RAP1GAP: variants seen among roughly 807,000 people sequenced by gnomAD.
The protein encoded by RAP1GAP is RAP1 GTPase activating protein.
Under a neutral mutation model 87.2 loss-of-function variants are expected in RAP1GAP, and 35 were observed. That is an observed-to-expected ratio of 0.40 (90% CI 0.31 to 0.53). The LOEUF (loss-of-function observed/expected upper bound fraction) is 0.53. RAP1GAP is among the 20% of genes least tolerant of loss of function. The pLI is 0.48. For missense variants in RAP1GAP, 734 were observed against 898.9 expected, an observed-to-expected ratio of 0.82 and a Z score of 2.35; for synonymous variants, 375 against 363.9, an observed-to-expected ratio of 1.03 and a Z score of -0.35.
intron 1 of RAP1GAP, among the ~76,000 whole-genome samples, chr1:21,655,027 C>T (rs1241441713): frequency 6.6e-6 from 1 of 150,936 alleles, no homozygotes; most frequent in African/African-American, 2.4e-5. Context: ...GTAGTCCCAG[C>T]TACTTGGGAG....
chr1:21,643,104 G>A (rs975370008), intron 2 of RAP1GAP, among the ~76,000 whole-genome samples: 28 of 84,876 alleles, frequency 3.3e-4, no homozygotes, highest in Non-Finnish European at 1.3e-4. Context: ...AGAAGAAGTG[G>A]CCTCATCTAT....
Position 21,598,023 on chromosome 1 carries a change from C to T in RAP1GAP, c.1921G>A (p.Asp641Asn). The T allele has an allele frequency of 6.3e-7, 1 of 1,584,210 alleles. No individual in the cohort carries two copies. The highest frequency in any genetic ancestry group is 8.6e-7 in the Non-Finnish European group (1 of 1,165,846). The change falls in exon 23 of 25, where the codon GAC becomes AAC. Residue 641 changes from aspartate to asparagine, a missense_variant. Coordinates refer to ENST00000374765, the MANE Select transcript of RAP1GAP (RefSeq NM_002885.4). ...SPHPDAGKLG[D>N]PACPEIKIQL... ...ATCTTGATCTCGGGACACGCAGGGT[C>T]CCCCAACTTGCCGGCGTCTGGGTGG...
chr1:21,667,967 G>T (rs1050514663), intron 1 of RAP1GAP, among the ~76,000 whole-genome samples: 5 of 152,170 alleles, frequency 3.3e-5, no homozygotes, highest in African/African-American at 1.2e-4. Flanking sequence ...CATGGAGAAG[G>T]GAATGGGGGG....
chr1:21,634,047 C>G lies in RAP1GAP; in HGVS notation c.-112-7650G>C, dbSNP rs1174046771. Among the ~76,000 whole-genome samples the G allele has an allele frequency of 1.3e-5, 1 of 79,316 alleles. No homozygotes were observed. Among genetic ancestry groups the G allele is most frequent in the Non-Finnish European group, 2.6e-5 (1 of 38,616 alleles). The allele number at this position is 79,316 out of a possible 152,430, so 52.0% of individuals were successfully genotyped here. A position where few individuals can be genotyped will look rare whatever the true frequency, so the allele number is the denominator to read the frequency against. On this transcript the variant is annotated intron_variant, in intron 2 of 24. Coordinates refer to ENST00000374765, the MANE Select transcript of RAP1GAP (RefSeq NM_002885.4). The surrounding 1 kb of genome is among the most constrained non-coding windows in gnomAD (Gnocchi z 4.1). ...CCAGAACCAAGTGGCTGCCCCAGAA[C>G]TGCCCCCTCCCGGGGGGGGGGGGGG...
chr1:21,623,938 G>A (rs1387106150), intron 3 of RAP1GAP, among the ~76,000 whole-genome samples: 1 of 152,228 alleles, frequency 6.6e-6, no homozygotes, highest in Admixed American at 6.5e-5. Flanking sequence ...GAGACTCCAC[G>A]ACCGGATGTG....
Position 21,668,176 on chromosome 1 carries a change from G to A in RAP1GAP, c.-149+1078C>T, listed in dbSNP as rs1558954381. Among the ~76,000 whole-genome samples, 1 of 152,166 alleles carries A rather than the reference G, an allele frequency of 6.6e-6. No homozygotes were observed. Among genetic ancestry groups the A allele is most frequent in the Non-Finnish European group, 1.5e-5 (1 of 68,018 alleles). On this transcript the variant is annotated intron_variant, in intron 1 of 24. Transcript: ENST00000374765. This position sits in a 1 kb window ranked among gnomAD's most constrained non-coding sequence, Gnocchi z 6.2. ...AAGGAGGGACCACTACCTGTGCAGGGGGGGCCAGGAGCCTCCTGAGAGCCT... is the reference window on the plus strand; with the variant it reads ...AAGGAGGGACCACTACCTGTGCAGGAGGGGCCAGGAGCCTCCTGAGAGCCT...
At chr1:21,636,622 C>A (rs527841987) in intron 2 of RAP1GAP, among the ~76,000 whole-genome samples, 1 of 151,816 alleles carries the variant, frequency 6.6e-6, no homozygotes, top group African/African-American at 2.4e-5. Flanking sequence ...GCCTGACCAA[C>A]GTGGAGAAAC....
At chr1:21,626,819 G>A in intron 2 of RAP1GAP, 3 of 448,350 alleles carry the variant, frequency 6.7e-6, no homozygotes, top group South Asian at 4.7e-5. Context: ...CCGCTATTAC[G>A]AATGACAGTG....
intron 2 of RAP1GAP, chr1:21,627,084 G>A: frequency 2.3e-6 from 1 of 438,760 alleles, no homozygotes; most frequent in Non-Finnish European, 4.6e-6. Flanking sequence ...GTCTGGCGAG[G>A]GTGAAGTCAG....
intron 2 of RAP1GAP, among the ~76,000 whole-genome samples, chr1:21,637,434 G>A (rs747745059): frequency 1.3e-5 from 2 of 152,044 alleles, no homozygotes; most frequent in South Asian, 2.1e-4. Context: ...GATTACAGGA[G>A]TGAGCCACTG....
intron 2 of RAP1GAP, among the ~76,000 whole-genome samples, chr1:21,643,596 TC>T (rs2095750386): frequency 7.1e-6 from 1 of 140,610 alleles, no homozygotes; most frequent in African/African-American, 2.6e-5. Flanking sequence ...AAAAAGAAAA[TC>T]CCCTCCTTAG....
At chr1:21,648,995 AAGCAGCAGCCAG>A (rs1309612488) in intron 2 of RAP1GAP, among the ~76,000 whole-genome samples, 1 of 152,130 alleles carries the variant, frequency 6.6e-6, no homozygotes, top group African/African-American at 2.4e-5. Flanking sequence ...CAGGGGCAGG[AAGCAGCAGCCAG>A]AGCCGTCGGG....
chr1:21,600,821 C>T (rs2067597619), intron 20 of RAP1GAP, among the ~76,000 whole-genome samples: 1 of 138,220 alleles, frequency 7.2e-6, no homozygotes. Flanking sequence ...GGAGGTGGAG[C>T]TTGCAGTGAG....
At chr1:21,620,335 G>A (rs1455908568) in intron 3 of RAP1GAP, among the ~76,000 whole-genome samples, 2 of 152,170 alleles carry the variant, frequency 1.3e-5, no homozygotes, top group Non-Finnish European at 2.9e-5. Flanking sequence ...CCTTGGGGAG[G>A]GACAGATCGT....
At chr1:21,662,474 C>T (rs1042337605) in intron 1 of RAP1GAP, among the ~76,000 whole-genome samples, 50 of 152,178 alleles carry the variant, frequency 3.3e-4, no homozygotes, top group African/African-American at 1.1e-3. Context: ...GTCTGTGGGA[C>T]TGTGTGTCCA....
intron 1 of RAP1GAP, among the ~76,000 whole-genome samples, chr1:21,661,451 CAG>C (rs968349697): frequency 1.2e-4 from 19 of 152,094 alleles, no homozygotes; most frequent in African/African-American, 3.4e-4. Flanking sequence ...CATAAAGAAA[CAG>C]AAAGTCAACT....
intron 4 of RAP1GAP, among the ~76,000 whole-genome samples, chr1:21,619,686 GC>G (rs943016265): frequency 1.3e-5 from 2 of 151,946 alleles, no homozygotes; most frequent in East Asian, 3.9e-4. Flanking sequence ...TTCCACCTGG[GC>G]CCCCCACCAC....
chr1:21,667,608 C>G (rs2097412057), intron 1 of RAP1GAP: 1 of 152,516 alleles, frequency 6.6e-6, no homozygotes. Flanking sequence ...CTCCTGGCAG[C>G]AAAGGGGAGC....
chr1:21,665,394 G>T, intron 1 of RAP1GAP: 1 of 358,230 alleles, frequency 2.8e-6, no homozygotes, highest in Admixed American at 3.0e-5. Context: ...CTGTGGCAGG[G>T]ACCACAGGAC....
Sources: allele counts gnomAD v4.1 joint callset (sites outside exome capture counted in the v4.1 genomes callset), GRCh38; gene constraint gnomAD v4.1.1; non-coding constraint Gnocchi (gnomAD v3.1); transcripts MANE v1.5; gene names NCBI Gene and HGNC (gene_info 2026-07-23, HGNC 2026-07-21).